IMPG2: variants seen among roughly 807,000 people sequenced by gnomAD.
The protein encoded by IMPG2 is interphotoreceptor matrix proteoglycan 2, also known as IPM 200.
IMPG2 carries 91 observed loss-of-function variants against 129.2 expected under a neutral mutation model. The ratio of observed to expected loss-of-function variants is 0.70; its 90% confidence interval spans 0.59 to 0.84. IMPG2 has a LOEUF of 0.84. IMPG2 is among the 40% of genes least tolerant of loss of function. The pLI is 0.00. For synonymous variants in IMPG2, 510 were observed against 517.7 expected (o/e 0.99, Z 0.20); for missense variants, 1,430 against 1,461.7 (o/e 0.98, Z 0.35).
chr3:101,315,118 C>T (rs552836654), intron 2 of IMPG2, among the ~76,000 whole-genome samples: 116 of 152,224 alleles, frequency 7.6e-4, no homozygotes, highest in South Asian at 3.3e-3. Context: ...ACCAGACACA[C>T]GAACAACAGT....
At chr3:101,319,298 C>T (rs1252023180) in intron 2 of IMPG2, among the ~76,000 whole-genome samples, 11 of 152,082 alleles carry the variant, frequency 7.2e-5, no homozygotes, top group South Asian at 2.1e-4. Context: ...CCAAAAGCTA[C>T]AAACTCAAAT....
chr3:101,259,808 G>C (rs1015282520), intron 9 of IMPG2, among the ~76,000 whole-genome samples: 1 of 152,056 alleles, frequency 6.6e-6, no homozygotes. Context: ...ATCATGGCTA[G>C]ATGATACTGG....
rs1348713315 is a variant in IMPG2 at position 101,232,775 on chromosome 3, A to T, written c.3233+6T>A. ...TCTAAAGTCAAAATCTGTAACTACA[A>T]CATACCTACAAATGGCCCCGTGCCC... On this transcript the variant is annotated splice_donor_region_variant and intron_variant, in intron 15 of 18. Transcript: ENST00000193391. The T allele has an allele frequency of 6.2e-7, 1 of 1,612,688 alleles. No homozygotes were observed. Among genetic ancestry groups the T allele is most frequent in the Non-Finnish European group, 8.5e-7 (1 of 1,179,044 alleles).
chr3:101,319,963 A>G lies in IMPG2; in HGVS notation c.86-131T>C, dbSNP rs1307498811. The G allele has an allele frequency of 8.4e-5, 76 of 899,412 alleles. No individual in the cohort carries two copies. The Admixed American group carries it at 1.6e-3, about 19-fold the overall frequency. The allele number at this position is 899,412 out of a possible 1,614,324, so 55.7% of individuals were successfully genotyped here. A position where few individuals can be genotyped will look rare whatever the true frequency, so the allele number is the denominator to read the frequency against. ...GTGCCCAAATCATAGGCAGGCATGC[A>G]TATCTAAGGAAAAGAGGAGTGAGGC... On this transcript the variant is annotated intron_variant, in intron 1 of 18. Transcript: ENST00000193391.
chr3:101,253,315 C>G (rs1706564199), intron 11 of IMPG2, among the ~76,000 whole-genome samples: 1 of 152,004 alleles, frequency 6.6e-6, no homozygotes, highest in Non-Finnish European at 1.5e-5. Context: ...ATCCTTGAAA[C>G]AAAAAATCTA....
chr3:101,312,118 G>A (rs1707268640), intron 2 of IMPG2, among the ~76,000 whole-genome samples: 1 of 151,990 alleles, frequency 6.6e-6, no homozygotes, highest in Non-Finnish European at 1.5e-5. Context: ...AAATCTTTAT[G>A]ACCTCAGGTT....
intron 2 of IMPG2, among the ~76,000 whole-genome samples, chr3:101,317,407 T>C (rs1402128014): frequency 6.6e-6 from 1 of 152,152 alleles, no homozygotes; most frequent in Non-Finnish European, 1.5e-5. Context: ...TAGCAATTGA[T>C]ACCAAATTCT....
intron 11 of IMPG2, among the ~76,000 whole-genome samples, chr3:101,251,431 A>G (rs1041324122): frequency 6.6e-6 from 1 of 152,228 alleles, no homozygotes; most frequent in Non-Finnish European, 1.5e-5. Context: ...AAGCTTTCCT[A>G]TACATTTTGA....
In IMPG2 at chr3:101,241,379, C is replaced by T. The variant is rs1274258378; in HGVS notation, c.3022+1309G>A. On this transcript the variant is annotated intron_variant, in intron 14 of 18. Coordinates refer to ENST00000193391, the MANE Select transcript of IMPG2 (RefSeq NM_016247.4). The stretch of plus-strand genomic sequence containing the variant: ...GACAGTGTGTGCAAAGACTTTAAGG[C>T]AAGAAGAAGGTTTTGTATCTGAGTA... Among the ~76,000 whole-genome samples the T allele has an allele frequency of 2.0e-5, 3 of 152,104 alleles. No homozygotes were observed. The East Asian group carries it at 5.8e-4, about 29-fold the overall frequency.
chr3:101,237,319 T>C (rs1481479699), intron 14 of IMPG2, among the ~76,000 whole-genome samples: 1 of 152,186 alleles, frequency 6.6e-6, no homozygotes, highest in Non-Finnish European at 1.5e-5. Context: ...TCCTGCCTGC[T>C]GGCTCTGAAG....
intron 2 of IMPG2, among the ~76,000 whole-genome samples, chr3:101,318,505 A>G (rs1314170090): frequency 6.6e-6 from 1 of 152,196 alleles, no homozygotes; most frequent in East Asian, 1.9e-4. Context: ...AGCTGGTATT[A>G]TATTAAATTT....
At chr3:101,316,412 T>C (rs930379752) in intron 2 of IMPG2, among the ~76,000 whole-genome samples, 2 of 151,970 alleles carry the variant, frequency 1.3e-5, no homozygotes, top group African/African-American at 4.8e-5. Context: ...AACTCAATAA[T>C]AGACAAGCAA....
intron 10 of IMPG2, among the ~76,000 whole-genome samples, chr3:101,254,450 T>C (rs892802074): frequency 6.6e-6 from 1 of 152,046 alleles, no homozygotes; most frequent in East Asian, 1.9e-4. Flanking sequence ...ATGTATACAA[T>C]GTATGGTAAT....
intron 15 of IMPG2, among the ~76,000 whole-genome samples, chr3:101,232,547 T>C (rs1706300732): frequency 6.6e-6 from 1 of 152,068 alleles, no homozygotes; most frequent in African/African-American, 2.4e-5. Context: ...CAGTAGGACA[T>C]ATTTAGACAA....
intron 9 of IMPG2, among the ~76,000 whole-genome samples, chr3:101,261,852 G>A (rs369046642): frequency 5.9e-5 from 9 of 152,162 alleles, no homozygotes; most frequent in African/African-American, 2.2e-4. Flanking sequence ...TAGATAAAAT[G>A]GTATGTGATT....
intron 2 of IMPG2, among the ~76,000 whole-genome samples, chr3:101,305,635 A>T (rs1707181621): frequency 6.6e-6 from 1 of 152,124 alleles, no homozygotes; most frequent in Non-Finnish European, 1.5e-5. Flanking sequence ...TGTAAACCTA[A>T]AACTGCTCTA....
intron 4 of IMPG2, among the ~76,000 whole-genome samples, chr3:101,282,692 C>G (rs1022131885): frequency 1.3e-5 from 2 of 151,936 alleles, no homozygotes; most frequent in Non-Finnish European, 2.9e-5. Context: ...ACTAGATGAA[C>G]AAACAAAACC....
At chr3:101,234,962 T>C (rs1706330098) in intron 14 of IMPG2, among the ~76,000 whole-genome samples, 1 of 152,242 alleles carries the variant, frequency 6.6e-6, no homozygotes, top group South Asian at 2.1e-4. Flanking sequence ...TTGGAATATT[T>C]GCCTTTACAT....
intron 1 of IMPG2, among the ~76,000 whole-genome samples, 197 bp from the exon 2 acceptor site, chr3:101,320,029 A>T (rs1203255517): frequency 6.6e-6 from 1 of 152,132 alleles, no homozygotes; most frequent in African/African-American, 2.4e-5. Context: ...CTTTCATTCA[A>T]GATTGTTATC....
Sources: gnomAD v4.1 joint callset for allele counts (sites outside exome capture counted in the v4.1 genomes callset) on GRCh38, gnomAD v4.1.1 for gene constraint, MANE v1.5 for transcripts, NCBI Gene and HGNC (gene_info 2026-07-23, HGNC 2026-07-21) for gene names.